The following ZNF469 variants were observed in gnomAD, a reference collection of about 807,000 sequenced individuals.
ZNF469 encodes the protein zinc finger protein 469.
A neutral mutation model predicts 1.0 loss-of-function variants in ZNF469; 1 was observed. That is an observed-to-expected ratio of 1.00 (90% CI 0.35 to 4.73). The LOEUF (loss-of-function observed/expected upper bound fraction) is 4.73, where lower values mean the gene tolerates loss of function less well. Among genes scored for constraint, ZNF469 ranks in the 30% most tolerant of loss-of-function variants. The pLI, the probability that ZNF469 is intolerant of heterozygous loss-of-function variation, is 0.16. For missense variants in ZNF469, 6,100 were observed against 5,356.3 expected (o/e 1.14, Z -4.33); for synonymous variants, 2,703 against 2,363.4 (o/e 1.14, Z -4.17).
At chr16:88,269,202 TC>T in the ZNF469 span, among the ~76,000 whole-genome samples, 1 of 152,160 alleles carries the variant, frequency 6.6e-6, no homozygotes, top group Non-Finnish European at 1.5e-5. Flanking sequence ...CTTTCCACTT[TC>T]CACGGCCGGC....
At position 88,438,065 on chromosome 16, in the gene ZNF469, A is replaced by G; in HGVS notation, c.10595A>G (p.Asp3532Gly). 1 of 1,550,292 alleles carries G rather than the reference A, an allele frequency of 6.5e-7. No homozygotes were observed. Among genetic ancestry groups the G allele is most frequent in the East Asian group, 2.4e-5 (1 of 40,910 alleles). Reference protein sequence around the residue: ...GWPETLERPVDPVTHPIRGCE... With the variant: ...GWPETLERPVGPVTHPIRGCE... ...CCCGAGACCCTAGAGAGGCCTGTAG[A>G]CCCCGTGACCCACCCGATCAGAGGT... The change falls in exon 3 of 3, where the codon GAC (aspartate) becomes GGC (glycine). Residue 3532 changes from aspartate to glycine, a missense_variant. By Grantham distance (94) the Asp-to-Gly change is moderately conservative. Transcript: ENST00000565624.
In ZNF469 at chr16:88,438,362, G is replaced by A. The variant is rs1049231926; in HGVS notation, c.10892G>A (p.Gly3631Asp). 3 of 1,550,220 alleles carry A rather than the reference G, an allele frequency of 1.9e-6. No individual in the cohort carries two copies. Among genetic ancestry groups the A allele is most frequent in the Admixed American group, 3.9e-5 (2 of 51,008 alleles). The change falls in exon 3 of 3, where the codon GGC becomes GAC. Residue 3631 changes from glycine (G) to aspartate (D), a missense_variant. By Grantham distance (94) the Gly-to-Asp change is moderately conservative. Transcript: ENST00000565624. The stretch of plus-strand genomic sequence containing the variant: ...AAACGCAGGGCCCCGGGTGCCCGTG[G>A]CAGGTGTGCCCCTGACCATTTCCAG... Reference protein sequence around the residue: ...SGKRRAPGARGRCAPDHFQED... With the variant: ...SGKRRAPGARDRCAPDHFQED...
At chr16:88,132,444 C>T in the ZNF469 span, among the ~76,000 whole-genome samples, 1 of 152,244 alleles carries the variant, frequency 6.6e-6, no homozygotes, top group African/African-American at 2.4e-5. Flanking sequence ...GGATCTGTGA[C>T]TGGCCCCATC....
Position 88,433,575 on chromosome 16 carries a change from G to C in ZNF469, c.6105G>C (p.Leu2035=). ...CCGGCCCCACCGAGGGTGCAGTCCT[G>C]CTAGAGAAATGCAAGGGAAGCAGGG... is the stretch of plus-strand genomic sequence containing the variant. ...ALTGPTEGAV[L]LEKCKGSRAA... Residue 2035 remains leucine (L), a synonymous_variant, in exon 3 of 3, where the codon CTG becomes CTC. Coordinates refer to ENST00000565624, the MANE Select transcript of ZNF469 (RefSeq NM_001367624.2). 1 of 1,550,360 alleles carries C rather than the reference G, an allele frequency of 6.5e-7. No individual in the cohort carries two copies. Among genetic ancestry groups the C allele is most frequent in the Non-Finnish European group, 8.7e-7 (1 of 1,146,944 alleles).
At chr16:88,336,516 C>T in the ZNF469 span, among the ~76,000 whole-genome samples, 1 of 151,710 alleles carries the variant, frequency 6.6e-6, no homozygotes, top group Admixed American at 6.6e-5. Flanking sequence ...CAATACCGCG[C>T]ATGTTCATCC....
At chr16:88,250,534 G>T in the ZNF469 span, among the ~76,000 whole-genome samples, 2 of 152,172 alleles carry the variant, frequency 1.3e-5, no homozygotes, top group Non-Finnish European at 2.9e-5. Flanking sequence ...CCAAATCTGG[G>T]AAGTTTTATG....
At chr16:88,397,626 T>TAAATAA (rs1416857054) in intron 1 of ZNF469, among the ~76,000 whole-genome samples, 361 of 147,414 alleles carry the variant, frequency 2.4e-3, no homozygotes, top group African/African-American at 8.9e-3. Context: ...GATGGGTGGA[T>TAAATAA]GGATGGATGG....
At chr16:88,355,980 G>A in the ZNF469 span, among the ~76,000 whole-genome samples, 7 of 152,262 alleles carry the variant, frequency 4.6e-5, no homozygotes, top group South Asian at 8.3e-4. Flanking sequence ...CCTGGCAGAC[G>A]TCCCATATGT....
At chr16:88,358,743 G>T in the ZNF469 span, among the ~76,000 whole-genome samples, 7 of 151,764 alleles carry the variant, frequency 4.6e-5, no homozygotes, top group African/African-American at 1.7e-4. Flanking sequence ...TTTTGAGACC[G>T]AGTCTTGCTA....
At chr16:88,200,513 C>T in the ZNF469 span, among the ~76,000 whole-genome samples, 2 of 152,250 alleles carry the variant, frequency 1.3e-5, no homozygotes, top group African/African-American at 4.8e-5. Flanking sequence ...GCTCTCCCAG[C>T]TGAGCTGTCT....
At chr16:88,113,890 G>C in the ZNF469 span, among the ~76,000 whole-genome samples, 2 of 152,212 alleles carry the variant, frequency 1.3e-5, no homozygotes, top group South Asian at 4.1e-4. Context: ...CAGGTGTGAG[G>C]AAAGTTCTTG....
At chr16:88,113,293 G>GTC in the ZNF469 span, among the ~76,000 whole-genome samples, 1 of 152,210 alleles carries the variant, frequency 6.6e-6, no homozygotes, top group Non-Finnish European at 1.5e-5. Context: ...AGAGCTAGGG[G>GTC]TCTCGTTTCA....
At chr16:88,366,098 CCATCATCACCAT>C in the ZNF469 span, among the ~76,000 whole-genome samples, 4 of 149,410 alleles carry the variant, frequency 2.7e-5, no homozygotes, top group Admixed American at 6.6e-5. Context: ...ATCATCATCA[CCATCATCACCAT>C]CATCATCACC....
the ZNF469 span, among the ~76,000 whole-genome samples, chr16:88,111,668 C>A: frequency 6.6e-6 from 1 of 152,142 alleles, no homozygotes; most frequent in African/African-American, 2.4e-5. Flanking sequence ...GATGGAGTCT[C>A]GCTCTGTCAC....
chr16:88,303,713 A>G, the ZNF469 span, among the ~76,000 whole-genome samples: 93,808 of 152,038 alleles, frequency 0.62, 29,134 homozygotes, highest in East Asian at 0.77. Flanking sequence ...TCTTACAGGC[A>G]GGCCCAGCAT....
rs1217725028 is a variant in ZNF469, at chr16:88,438,562, C to T, written c.11092C>T (p.His3698Tyr). Residue 3698 changes from histidine (H) to tyrosine (Y), a missense_variant, in exon 3 of 3, where the codon CAC becomes TAC. By Grantham distance (83) the His-to-Tyr change is moderately conservative. Coordinates refer to ENST00000565624, the MANE Select transcript of ZNF469 (RefSeq NM_001367624.2). ...TPSKALKFPVHPRKAVGSLAP... is the reference protein window; with the variant it reads ...TPSKALKFPVYPRKAVGSLAP... Reference sequence around the variant, plus strand: ...CAGCAAAGCACTCAAGTTCCCAGTGCACCCAAGGAAGGCGGTGGGGAGCCT... The same window carrying T: ...CAGCAAAGCACTCAAGTTCCCAGTGTACCCAAGGAAGGCGGTGGGGAGCCT... 6.5e-7 allele frequency: 1 copy of T among 1,550,164 alleles called. No individual in the cohort carries two copies. Among genetic ancestry groups the T allele is most frequent in the South Asian group, 1.2e-5 (1 of 84,070 alleles).
chr16:88,415,487 A>G (rs1905279447), intron 1 of ZNF469, among the ~76,000 whole-genome samples: 2 of 152,332 alleles, frequency 1.3e-5, no homozygotes, highest in Non-Finnish European at 2.9e-5. Flanking sequence ...CCCATTTTAC[A>G]GCTGAACACA....
the ZNF469 span, among the ~76,000 whole-genome samples, chr16:88,261,998 A>T: frequency 1.3e-5 from 2 of 152,006 alleles, no homozygotes; most frequent in Non-Finnish European, 2.9e-5. This position sits in a 1 kb window ranked among gnomAD's most constrained non-coding sequence, Gnocchi z 6.0. Context: ...TCTCCCTCCC[A>T]CCATCTGTGC....
the ZNF469 span, among the ~76,000 whole-genome samples, chr16:88,249,423 CTTTTTCTTTT>C: frequency 1.1e-3 from 68 of 61,708 alleles, no homozygotes; most frequent in South Asian, 0.035. Context: ...CTTTCTTTTT[CTTTTTCTTTT>C]TTTTTTTTTT....
Sources: gnomAD v4.1 joint callset for allele counts (sites outside exome capture counted in the v4.1 genomes callset) on GRCh38, gnomAD v4.1.1 for gene constraint, Gnocchi (gnomAD v3.1) non-coding constraint, MANE v1.5 for transcripts, NCBI Gene and HGNC (gene_info 2026-07-23, HGNC 2026-07-21) for gene names.